DNAH1: variants seen among roughly 807,000 people sequenced by gnomAD.
The protein encoded by DNAH1 is axonemal beta dynein heavy chain 1.
Under a neutral mutation model 484.3 loss-of-function variants are expected in DNAH1, and 327 were observed. The observed-to-expected ratio is 0.68, with a 90% CI of 0.62 to 0.74. The LOEUF (loss-of-function observed/expected upper bound fraction) is 0.74. DNAH1 is among the 30% of genes least tolerant of loss of function. DNAH1 has a pLI of 0.00. For missense variants in DNAH1, 5,052 were observed against 5,546.8 expected (o/e 0.91, Z 2.83); for synonymous variants, 2,192 against 2,191.9 (o/e 1.00, Z 0.00).
chr3:52,332,134 G>T lies in DNAH1; in HGVS notation c.1034-8G>T. On this transcript the variant is annotated splice_polypyrimidine_tract_variant and splice_region_variant and intron_variant, in intron 7 of 77. Coordinates refer to ENST00000420323, the MANE Select transcript of DNAH1 (RefSeq NM_015512.5). ...TGTGTCCCCTTCTCCCTCTCACCCGGCCCCCAGGAAGGCCACCCCTTCAGG... is the reference window on the plus strand; with the variant it reads ...TGTGTCCCCTTCTCCCTCTCACCCGTCCCCCAGGAAGGCCACCCCTTCAGG... 1 of 1,548,866 alleles carries T rather than the reference G, an allele frequency of 6.5e-7. No individual in the cohort carries two copies. Among genetic ancestry groups the T allele is most frequent in the Non-Finnish European group, 8.7e-7 (1 of 1,143,648 alleles).
At chr3:52,357,790 T>C in intron 23 of DNAH1, 55 bp downstream of exon 23, 1 of 1,572,826 alleles carries the variant, frequency 6.4e-7, no homozygotes, top group Non-Finnish European at 8.6e-7. Flanking sequence ...AAGGCTGAGG[T>C]GTCCAGGGCC....
the DNAH1 span, among the ~76,000 whole-genome samples, chr3:52,310,920 G>A: frequency 7.3e-5 from 11 of 151,058 alleles, no homozygotes; most frequent in Non-Finnish European, 1.0e-4. Context: ...GGGCAGGGGC[G>A]ATGGGTGGGA....
rs376365318 is a variant in DNAH1 at position 52,355,065 on chromosome 3, C to A, written c.3693+10C>A. ...ACTGAAGCTGACCCAGGTCGGCCCTCCCCCCAGTCCTTCCCTCATCGCTCC... is the reference window on the plus strand; with the variant it reads ...ACTGAAGCTGACCCAGGTCGGCCCTACCCCCAGTCCTTCCCTCATCGCTCC... On this transcript the variant is annotated intron_variant, in intron 21 of 77. Coordinates refer to ENST00000420323, the MANE Select transcript of DNAH1 (RefSeq NM_015512.5). The surrounding 1 kb of genome is among the most constrained non-coding windows in gnomAD (Gnocchi z 4.5). The A allele has an allele frequency of 2.5e-6, 4 of 1,611,660 alleles. No homozygotes were observed. Among genetic ancestry groups the A allele is most frequent in the East Asian group, 4.5e-5 (2 of 44,874 alleles).
At chr3:52,385,272 C>A in intron 53 of DNAH1, 65 bp from the exon 54 acceptor site, 1 of 1,479,864 alleles carries the variant, frequency 6.8e-7, no homozygotes, top group Non-Finnish European at 9.2e-7. Flanking sequence ...GAGGGCGGCC[C>A]AGCAGGCCCT....
At position 52,355,363 on chromosome 3, in the gene DNAH1, T is replaced by A. The variant is rs370811769; in HGVS notation, c.3693+308T>A. On this transcript the variant is annotated intron_variant, in intron 21 of 77. Transcript: ENST00000420323. The surrounding 1 kb of genome is among the most constrained non-coding windows in gnomAD (Gnocchi z 4.5). ...GCCAGGCGGCCTCCCCAGGGCTGCC[T>A]GAGCTTGGGACAACCAGGTCCTCCA... Among the ~76,000 whole-genome samples the A allele has an allele frequency of 5.9e-5, 9 of 152,340 alleles. No homozygotes were observed. The East Asian group carries it at 1.3e-3, about 23-fold the overall frequency.
chr3:52,400,423 C>A lies in DNAH1; in HGVS notation c.12775C>A (p.Leu4259Ile). 1 of 1,614,060 alleles carries A rather than the reference C, an allele frequency of 6.2e-7. No homozygotes were observed. The highest frequency in any genetic ancestry group is 8.5e-7 in the Non-Finnish European group (1 of 1,179,894). Residue 4259 changes from leucine (L) to isoleucine (I), a missense_variant, in exon 78 of 78, where the codon CTC becomes ATC. By Grantham distance (5) the Leu-to-Ile change is conservative (BLOSUM62 2). Coordinates refer to ENST00000420323, the MANE Select transcript of DNAH1 (RefSeq NM_015512.5). Reference sequence around the variant, plus strand: ...ACACTGGATAAAGCGTGGTGTGGCCCTCATCTGTGCCCTGGACTACTAGAC... The same window carrying A: ...ACACTGGATAAAGCGTGGTGTGGCCATCATCTGTGCCCTGGACTACTAGAC... Reference protein sequence around the residue: ...QRHWIKRGVALICALDY With the variant: ...QRHWIKRGVAIICALDY
chr3:52,374,774 T>C (rs1703510832), intron 44 of DNAH1: 2 of 1,102,862 alleles, frequency 1.8e-6, no homozygotes. Context: ...AAAAGCTGTT[T>C]GATGACTGTA....
Position 52,358,104 on chromosome 3 carries a change from C to T in DNAH1, c.4086+101C>T, listed in dbSNP as rs1443644181. 1 of 925,576 alleles carries T rather than the reference C, an allele frequency of 1.1e-6. No homozygotes were observed. Among genetic ancestry groups the T allele is most frequent in the African/African-American group, 1.7e-5 (1 of 60,064 alleles). 57.3% of individuals were successfully genotyped at this position (925,576 alleles called of 1,614,324 possible). A position where few individuals can be genotyped will look rare whatever the true frequency, so the allele number is the denominator to read the frequency against. ...TGAGCCCTTTTAGCAGGAAATGTGG[C>T]AAATGACATTCCTGGTCTTTGGAGA... On this transcript the variant is annotated intron_variant, in intron 24 of 77. Coordinates refer to ENST00000420323, the MANE Select transcript of DNAH1 (RefSeq NM_015512.5). This position sits in a 1 kb window ranked among gnomAD's most constrained non-coding sequence, Gnocchi z 4.2.
In DNAH1 at chr3:52,395,029, C is replaced by T. The variant is rs751584353; in HGVS notation, c.10938C>T (p.Thr3646=). ...VTNAMQDFVA[T]NLEPRFIEPQ... is the part of the protein sequence containing the mutation. ...ACGCCATGCAGGACTTTGTGGCCAC[C>T]AACCTGGAGCCACGCTTCATTGAAC... Residue 3646 remains threonine, a synonymous_variant, in exon 68 of 78, where the codon ACC becomes ACT. Transcript: ENST00000420323. The surrounding 1 kb of genome is among the most constrained non-coding windows in gnomAD (Gnocchi z 4.4). 1 of 1,610,664 alleles carries T rather than the reference C, an allele frequency of 6.2e-7. No homozygotes were observed. Among genetic ancestry groups the T allele is most frequent in the Non-Finnish European group, 8.5e-7 (1 of 1,178,514 alleles).
At position 52,349,286 on chromosome 3, in the gene DNAH1, C is replaced by T. The variant is rs1374697545; in HGVS notation, c.2392C>T (p.Pro798Ser). ...REKEILDSSL[P>S]SSIIIGPFYI... The stretch of plus-strand genomic sequence containing the variant: ...GAAGGAGATCCTGGACAGCTCGCTG[C>T]CCAGCAGCATCATCATTGGGCCTTT... The change falls in exon 14 of 78, where the codon CCC (proline) becomes TCC (serine). Residue 798 changes from proline (P) to serine (S), a missense_variant. Around this residue, in one of 4 missense-constraint regions of DNAH1, gnomAD observed 1,263 missense variants for 1,218.8 expected, o/e 1.04. Transcript: ENST00000420323. 1.2e-6 allele frequency: 2 copies of T among 1,613,886 alleles called. No homozygotes were observed. Among genetic ancestry groups the T allele is most frequent in the African/African-American group, 2.7e-5 (2 of 74,932 alleles).
chr3:52,355,201 C>A lies in DNAH1; in HGVS notation c.3693+146C>A. 1 of 794,556 alleles carries A rather than the reference C, an allele frequency of 1.3e-6. No homozygotes were observed. The highest frequency in any genetic ancestry group is 2.0e-6 in the Non-Finnish European group (1 of 492,020). 49.2% of individuals were successfully genotyped at this position (794,556 alleles called of 1,614,324 possible). A position where few individuals can be genotyped will look rare whatever the true frequency, so the allele number is the denominator to read the frequency against. On this transcript the variant is annotated intron_variant, in intron 21 of 77. Coordinates refer to ENST00000420323, the MANE Select transcript of DNAH1 (RefSeq NM_015512.5). The surrounding 1 kb of genome is among the most constrained non-coding windows in gnomAD (Gnocchi z 4.5). ...ACAGCCCCTGGCTCTCTGGCAGGCCCCGCCCTACTGCATTCAGAGGAGGGC... is the reference window on the plus strand; with the variant it reads ...ACAGCCCCTGGCTCTCTGGCAGGCCACGCCCTACTGCATTCAGAGGAGGGC...
Position 52,365,262 on chromosome 3 carries a change from G to A in DNAH1, c.5518+243G>A, listed in dbSNP as rs13075370. On this transcript the variant is annotated intron_variant, in intron 34 of 77. Coordinates refer to ENST00000420323, the MANE Select transcript of DNAH1 (RefSeq NM_015512.5). ...GTCCCCTTCCTAGGCCCTCCTTCCC[G>A]TGTGGGCTGAGAGCCCCGAGCTCCT... Among the ~76,000 whole-genome samples, 26,891 of 152,206 alleles carry A rather than the reference G, an allele frequency of 0.18. 2,691 individuals carry two copies. The highest frequency in any genetic ancestry group is 0.25 in the African/African-American group (10,586 of 41,530).
chr3:52,372,064 T>C lies in DNAH1; in HGVS notation c.6644T>C (p.Met2215Thr), dbSNP rs765762844. The change falls in exon 42 of 78, where the codon ATG becomes ACG. Residue 2215 changes from methionine (M) to threonine (T), a missense_variant. Physicochemically the swap from Met to Thr is moderately conservative, Grantham distance 81. Transcript: ENST00000420323. ...DTVQMSHLLD[M>T]LLTNKKPVLC... is the part of the protein sequence containing the mutation. ...GTGCAGATGTCCCATTTACTGGACATGCTGCTCACCAACAAGAAGCCCGTG... is the reference window on the plus strand; with the variant it reads ...GTGCAGATGTCCCATTTACTGGACACGCTGCTCACCAACAAGAAGCCCGTG... 1.2e-6 allele frequency: 2 copies of C among 1,613,788 alleles called. No homozygotes were observed. Among genetic ancestry groups the C allele is most frequent in the South Asian group, 2.2e-5 (2 of 91,084 alleles).
intron 36 of DNAH1, 32 bp downstream of exon 36, chr3:52,366,919 C>T (rs1239877884): frequency 1.9e-6 from 3 of 1,586,296 alleles, no homozygotes; most frequent in Non-Finnish European, 2.6e-6. Context: ...CCGGTGACCC[C>T]CTGCTCCCAG....
intron 1 of DNAH1, among the ~76,000 whole-genome samples, chr3:52,318,681 C>T (rs1298475851): frequency 6.6e-6 from 1 of 152,194 alleles, no homozygotes; most frequent in African/African-American, 2.4e-5. Flanking sequence ...CAGATGTGCA[C>T]ATGTAATACA....
At chr3:52,346,862 C>G in intron 11 of DNAH1, 92 bp downstream of exon 11, 1 of 1,368,078 alleles carries the variant, frequency 7.3e-7, no homozygotes, top group Non-Finnish European at 9.9e-7. Flanking sequence ...GGCCAGGGTG[C>G]CCATCCATGC....
chr3:52,339,505 G>A (rs1272232940), intron 8 of DNAH1, among the ~76,000 whole-genome samples: 2 of 151,942 alleles, frequency 1.3e-5, no homozygotes, highest in Admixed American at 1.3e-4. Context: ...CCAAACACTC[G>A]TTTAAGGCTA....
chr3:52,352,504 A>T (rs1702426438), intron 17 of DNAH1, 48 bp from the exon 18 acceptor site: 1 of 1,583,578 alleles, frequency 6.3e-7, no homozygotes, highest in Admixed American at 1.7e-5. Flanking sequence ...AGGCCTGGAC[A>T]CAAGTGGGGC....
At chr3:52,366,976 AGTGGAAGG>A in intron 36 of DNAH1, 89 bp downstream of exon 36, 1 of 1,464,550 alleles carries the variant, frequency 6.8e-7, no homozygotes, top group South Asian at 1.3e-5. Flanking sequence ...CCATTAGCCC[AGTGGAAGG>A]CCGGGCTCTG....
Sources: allele counts gnomAD v4.1 joint callset (sites outside exome capture counted in the v4.1 genomes callset), GRCh38; gene constraint gnomAD v4.1.1; regional missense constraint gnomAD v4.1.1; non-coding constraint Gnocchi (gnomAD v3.1); transcripts MANE v1.5; gene names NCBI Gene and HGNC (gene_info 2026-07-23, HGNC 2026-07-21).